The following DSC3 variants were observed in gnomAD, a reference collection of about 807,000 sequenced individuals.
DSC3 encodes the protein desmocollin-3.
A neutral mutation model predicts 89.5 loss-of-function variants in DSC3; 97 were observed. The observed-to-expected ratio is 1.08, with a 90% CI of 0.92 to 1.28. The LOEUF (loss-of-function observed/expected upper bound fraction) is 1.28, where lower values mean the gene tolerates loss of function less well. DSC3 is among the 50% of genes most tolerant of loss of function. The pLI, the probability that DSC3 is intolerant of heterozygous loss-of-function variation, is 0.00. For synonymous variants in DSC3, 436 were observed against 384.1 expected (o/e 1.14, Z -1.58); for missense variants, 1,199 against 1,085.3 (o/e 1.10, Z -1.47).
At chr18:31,040,188 A>C (rs1986088497) in intron 1 of DSC3, among the ~76,000 whole-genome samples, 1 of 152,106 alleles carries the variant, frequency 6.6e-6, no homozygotes, top group South Asian at 2.1e-4. Context: ...CGTTTCAACT[A>C]TTTTAGTTCC....
chr18:31,028,186 G>C (rs1420783924), intron 4 of DSC3, among the ~76,000 whole-genome samples: 1 of 152,120 alleles, frequency 6.6e-6, no homozygotes, highest in Non-Finnish European at 1.5e-5. Flanking sequence ...CTGAGCCCTG[G>C]AGCTCTCCGA....
chr18:31,026,775 C>T (rs548473965), intron 4 of DSC3, among the ~76,000 whole-genome samples: 23 of 152,132 alleles, frequency 1.5e-4, no homozygotes, highest in Admixed American at 3.3e-4. Context: ...TTCTCAGTCA[C>T]CCTTGCAATT....
intron 5 of DSC3, among the ~76,000 whole-genome samples, chr18:31,025,075 A>G (rs977141039): frequency 2.6e-5 from 4 of 152,148 alleles, no homozygotes; most frequent in Non-Finnish European, 2.9e-5. Context: ...AGCATGTCAC[A>G]TGGGGTACAT....
chr18:31,008,087 T>G lies in DSC3; in HGVS notation c.1592A>C (p.Lys531Thr). The change falls in exon 11 of 16, where the codon AAA becomes ACA. Residue 531 changes from lysine (K) to threonine (T), a missense_variant. Lys to Thr is a moderately conservative substitution (Grantham distance 78). Transcript: ENST00000360428. ...AGTTTCAACCTCCCTATCCAGGATT[T>G]TGGAAGTTATGATTGACCCTGAAAT... Reference protein sequence around the residue: ...DEISGSIITSKILDREVETPK... With the variant: ...DEISGSIITSTILDREVETPK... 1.2e-5 allele frequency: 19 copies of G among 1,613,296 alleles called. No homozygotes were observed. Among genetic ancestry groups the G allele is most frequent in the Non-Finnish European group, 1.6e-5 (19 of 1,179,616 alleles).
Position 31,007,025 on chromosome 18 carries a change from C to T in DSC3, c.1770G>A (p.Gly590=). Residue 590 remains glycine (G), a synonymous_variant, in exon 12 of 16, where the codon GGG becomes GGA. Coordinates refer to ENST00000360428, the MANE Select transcript of DSC3 (RefSeq NM_001941.5). Reference sequence around the variant, plus strand: ...GATCAACAGCTAAAATGTCGGTATACCCCATTTTTGGTTTGCAAATGACTA... The same window carrying T: ...GATCAACAGCTAAAATGTCGGTATATCCCATTTTTGGTTTGCAAATGACTA... The part of the protein sequence containing the change: ...EYVVICKPKM[G]YTDILAVDPD... 1 of 1,613,826 alleles carries T rather than the reference C, an allele frequency of 6.2e-7. No homozygotes were observed. The highest frequency in any genetic ancestry group is 8.5e-7 in the Non-Finnish European group (1 of 1,179,874).
chr18:31,014,306 A>G (rs1412227534), intron 9 of DSC3, among the ~76,000 whole-genome samples: 1 of 152,108 alleles, frequency 6.6e-6, no homozygotes, highest in Admixed American at 6.6e-5. Context: ...TGTTTTTAAA[A>G]AAGAAACATG....
chr18:31,006,340 C>G (rs1984841494), intron 12 of DSC3, among the ~76,000 whole-genome samples: 2 of 146,520 alleles, frequency 1.4e-5, no homozygotes. Flanking sequence ...CCTCTGTCCC[C>G]CAGGCTGGAG....
chr18:30,999,066 T>C (rs1046038947), intron 14 of DSC3, among the ~76,000 whole-genome samples: 1 of 152,228 alleles, frequency 6.6e-6, no homozygotes, highest in Non-Finnish European at 1.5e-5. Context: ...ATTAACTTAA[T>C]ACTGGAACTT....
intron 15 of DSC3, among the ~76,000 whole-genome samples, chr18:30,996,051 G>T (rs1304244692): frequency 1.4e-5 from 2 of 145,174 alleles, no homozygotes; most frequent in Admixed American, 6.9e-5. Flanking sequence ...TATGAACAGA[G>T]AATTCCTTAT....
rs546953185 is a variant in DSC3 at position 31,014,982 on chromosome 18, A to T, written c.1263+3089T>A. Among the ~76,000 whole-genome samples the T allele has an allele frequency of 2.0e-3, 298 of 152,260 alleles. 5 individuals are homozygous for T. Among genetic ancestry groups the T allele is most frequent in the South Asian group, 2.3e-3 (11 of 4,832 alleles). The stretch of plus-strand genomic sequence containing the variant: ...AAAATAGGGATAATAACACCTTGTC[A>T]TATAGGGGATATGAAAACTATGTAC... On this transcript the variant is annotated intron_variant, in intron 9 of 15. Coordinates refer to ENST00000360428, the MANE Select transcript of DSC3 (RefSeq NM_001941.5).
At position 31,022,478 on chromosome 18, in the gene DSC3, G is replaced by T. The variant is rs760039767; in HGVS notation, c.800C>A (p.Ala267Asp). The T allele has an allele frequency of 1.2e-6, 2 of 1,613,894 alleles. No homozygotes were observed. The highest frequency in any genetic ancestry group is 8.5e-7 in the Non-Finnish European group (1 of 1,179,916). Residue 267 changes from alanine to aspartate, a missense_variant, in exon 7 of 16, where the codon GCC becomes GAC. Ala to Asp is a moderately radical substitution (Grantham distance 126). Transcript: ENST00000360428. The part of the protein sequence containing the change: ...RPGTTVGVVC[A>D]TDRDEPDTMH... ...TGTGTCCGGTTCATCTCTGTCTGTG[G>T]CACAAACCACCCCCACTGTAGTACC...
intron 9 of DSC3, among the ~76,000 whole-genome samples, chr18:31,016,385 A>G (rs140248276): frequency 9.6e-4 from 146 of 152,248 alleles, no homozygotes; most frequent in African/African-American, 3.3e-3. Context: ...CTGAGCCCCA[A>G]TTTTGGGATT....
At position 30,993,585 on chromosome 18, in the gene DSC3, A is replaced by G. The variant is rs547332753; in HGVS notation, c.*590T>C. 1 of 152,680 alleles carries G rather than the reference A, an allele frequency of 6.5e-6. No homozygotes were observed. The highest frequency in any genetic ancestry group is 2.4e-5 in the African/African-American group (1 of 41,572). 9.5% of individuals were successfully genotyped at this position (152,680 alleles called of 1,614,324 possible). ...ATTTTAAATATTGCATTGATTAATA[A>G]TAATATACACACACACATTTATTTC... is the stretch of plus-strand genomic sequence containing the variant. On this transcript the variant is annotated 3_prime_UTR_variant, in exon 16 of 16. Transcript: ENST00000360428.
At chr18:31,004,463 G>C in intron 12 of DSC3, 97 bp from the exon 13 acceptor site, 1 of 1,042,074 alleles carries the variant, frequency 9.6e-7, no homozygotes, top group East Asian at 2.6e-5. Flanking sequence ...TCATTCTCAA[G>C]GAACTGCCTG....
chr18:31,027,412 C>T (rs899200082), intron 4 of DSC3, among the ~76,000 whole-genome samples: 4 of 152,022 alleles, frequency 2.6e-5, no homozygotes, highest in African/African-American at 4.8e-5. Context: ...GCAGGTGTCT[C>T]ATTTTTGCTA....
intron 4 of DSC3, among the ~76,000 whole-genome samples, chr18:31,027,880 T>C (rs1985652571): frequency 6.6e-6 from 1 of 152,124 alleles, no homozygotes; most frequent in Non-Finnish European, 1.5e-5. Context: ...GAACTATGTT[T>C]TCTGCAGCTT....
In DSC3 at chr18:31,018,241, C is replaced by G. The variant is rs1985300834; in HGVS notation, c.1093G>C (p.Glu365Gln). 1 of 1,609,910 alleles carries G rather than the reference C, an allele frequency of 6.2e-7. No homozygotes were observed. The highest frequency in any genetic ancestry group is 1.3e-5 in the African/African-American group (1 of 74,812). Residue 365 changes from glutamate to glutamine, a missense_variant, in exon 9 of 16, where the codon GAG becomes CAG. Glu to Gln is a conservative substitution (Grantham distance 29). Coordinates refer to ENST00000360428, the MANE Select transcript of DSC3 (RefSeq NM_001941.5). Reference sequence around the variant, plus strand: ...ATTTCCACATTGAATGCATTTTCCTCTACAAATGCTTCATACTGAAACAGA... The same window carrying G: ...ATTTCCACATTGAATGCATTTTCCTGTACAAATGCTTCATACTGAAACAGA... Reference protein sequence around the residue: ...FRQNAYEAFVEENAFNVEILR... With the variant: ...FRQNAYEAFVQENAFNVEILR...
chr18:31,027,093 A>G (rs1009229326), intron 4 of DSC3, among the ~76,000 whole-genome samples: 2 of 152,202 alleles, frequency 1.3e-5, no homozygotes, highest in Non-Finnish European at 2.9e-5. Flanking sequence ...ATAATAATAC[A>G]GAAATCAAAA....
rs1381590081 is a variant in DSC3 at position 30,989,378 on chromosome 18, A to G, written c.*4797T>C. Among the ~76,000 whole-genome samples the G allele has an allele frequency of 6.6e-6, 1 of 152,168 alleles. No individual in the cohort carries two copies. Among genetic ancestry groups the G allele is most frequent in the African/African-American group, 2.4e-5 (1 of 41,432 alleles). On this transcript the variant is annotated 3_prime_UTR_variant, in exon 16 of 16. Transcript: ENST00000360428. ...CACAAGGCCACATATGTACGATTTC[A>G]TTTATATGAATGTCCAGAGTAGGCA...
Sources: gnomAD v4.1 joint callset for allele counts (sites outside exome capture counted in the v4.1 genomes callset) on GRCh38, gnomAD v4.1.1 for gene constraint, MANE v1.5 for transcripts, NCBI Gene and HGNC (gene_info 2026-07-23, HGNC 2026-07-21) for gene names.